Variants in ARHGAP26 observed in about 807,000 individuals in gnomAD.
ARHGAP26 encodes rho GTPase-activating protein 26.
A neutral mutation model predicts 104.8 loss-of-function variants in ARHGAP26; 38 were observed. That is an observed-to-expected ratio of 0.36 (90% CI 0.28 to 0.48). The LOEUF is 0.48. ARHGAP26 is among the 20% of genes least tolerant of loss of function. ARHGAP26 has a pLI of 0.99. For synonymous variants in ARHGAP26, 341 were observed against 340.0 expected, an observed-to-expected ratio of 1.00 and a Z score of -0.03; for missense variants, 704 against 947.9, an observed-to-expected ratio of 0.74 and a Z score of 3.38.
intron 1 of ARHGAP26, among the ~76,000 whole-genome samples, chr5:142,800,909 G>A (rs1761961669): frequency 6.6e-6 from 1 of 152,108 alleles, no homozygotes; most frequent in Admixed American, 6.5e-5. Flanking sequence ...TTCATTTTTT[G>A]TTCCAGTCTA....
At chr5:142,862,205 C>G (rs1317746131) in intron 1 of ARHGAP26, among the ~76,000 whole-genome samples, 1 of 152,102 alleles carries the variant, frequency 6.6e-6, no homozygotes, top group Non-Finnish European at 1.5e-5. Flanking sequence ...TTCTTGCTTG[C>G]CCAAATTTGT....
At chr5:142,912,024 A>G (rs1761898926) in intron 9 of ARHGAP26, among the ~76,000 whole-genome samples, 1 of 152,228 alleles carries the variant, frequency 6.6e-6, no homozygotes, top group Non-Finnish European at 1.5e-5. Flanking sequence ...TGTTATTTCA[A>G]CAAACTGGGC....
chr5:142,852,168 A>C (rs1214594980), intron 1 of ARHGAP26, among the ~76,000 whole-genome samples: 1 of 152,244 alleles, frequency 6.6e-6, no homozygotes, highest in Non-Finnish European at 1.5e-5. Context: ...TGAGGTATGC[A>C]GCCGCCGGCA....
At chr5:142,843,617 AC>A in intron 1 of ARHGAP26, among the ~76,000 whole-genome samples, 1 of 152,134 alleles carries the variant, frequency 6.6e-6, no homozygotes, top group East Asian at 1.9e-4. Flanking sequence ...TTATGGTACC[AC>A]TACACTTCCT....
At chr5:143,191,230 A>T (rs1805880159) in intron 20 of ARHGAP26, among the ~76,000 whole-genome samples, 1 of 152,266 alleles carries the variant, frequency 6.6e-6, no homozygotes, top group Non-Finnish European at 1.5e-5. Flanking sequence ...AGTACAAAGC[A>T]TTCCTTAAAT....
intron 17 of ARHGAP26, among the ~76,000 whole-genome samples, chr5:143,109,797 G>T (rs992566226): frequency 9.9e-5 from 15 of 152,142 alleles, no homozygotes; most frequent in Non-Finnish European, 7.3e-5. Flanking sequence ...TTAGGTCTTA[G>T]TTGAGACCTT....
intron 16 of ARHGAP26, 91 bp downstream of exon 16, chr5:143,056,177 C>A: frequency 1.9e-6 from 2 of 1,068,062 alleles, no homozygotes; most frequent in Non-Finnish European, 2.9e-6. Context: ...TATTACCTAA[C>A]CCTTCGTATT....
rs185190260 is a variant in ARHGAP26, at chr5:142,770,380, C to T, written c.-382C>T. ...CGCTAGCAGGTTCGAGCGGCCCAGA[C>T]ACCGGCGGGGCGGCCGAGGCTGCTG... On this transcript the variant is annotated 5_prime_UTR_variant, in exon 1 of 23. Transcript: ENST00000645722. 3.2e-3 allele frequency: 610 copies of T among 188,854 alleles called. 2 individuals carry two copies. The highest frequency in any genetic ancestry group is 0.015 in the Middle Eastern group (8 of 522). 11.7% of individuals were successfully genotyped at this position (188,854 alleles called of 1,614,324 possible).
intron 5 of ARHGAP26, among the ~76,000 whole-genome samples, chr5:142,889,277 A>T (rs188939959): frequency 1.3e-5 from 2 of 152,282 alleles, no homozygotes; most frequent in East Asian, 3.9e-4. Context: ...AGAAAAATGA[A>T]AAAATTAGAC....
chr5:143,103,197 T>C, intron 17 of ARHGAP26: 1 of 982,746 alleles, frequency 1.0e-6, no homozygotes, highest in Non-Finnish European at 1.2e-6. Context: ...AGACTAATTG[T>C]GCCTGGGACC....
intron 1 of ARHGAP26, chr5:142,868,133 A>G (rs1301520028): frequency 6.6e-6 from 1 of 152,296 alleles, no homozygotes; most frequent in African/African-American, 2.4e-5. Flanking sequence ...TCTATAGTAT[A>G]GTACTCAGAG....
chr5:143,159,590 C>T (rs1369145013), intron 20 of ARHGAP26, among the ~76,000 whole-genome samples: 1 of 152,204 alleles, frequency 6.6e-6, no homozygotes, highest in Non-Finnish European at 1.5e-5. Context: ...AAATTACCAA[C>T]ATCTAGGCCC....
At chr5:142,934,333 G>A (rs1765124681) in intron 11 of ARHGAP26, among the ~76,000 whole-genome samples, 1 of 152,174 alleles carries the variant, frequency 6.6e-6, no homozygotes, top group African/African-American at 2.4e-5. Context: ...ATGAAAACAA[G>A]TTTAAACACA....
chr5:143,028,779 C>T (rs146366824), intron 12 of ARHGAP26, among the ~76,000 whole-genome samples: 38 of 152,294 alleles, frequency 2.5e-4, no homozygotes, highest in African/African-American at 8.9e-4. Context: ...ATTCAGTTTC[C>T]ACTACCTACA....
chr5:143,152,093 T>G (rs1018493637), intron 20 of ARHGAP26, among the ~76,000 whole-genome samples: 1 of 152,144 alleles, frequency 6.6e-6, no homozygotes, highest in African/African-American at 2.4e-5. Flanking sequence ...GAGGGATGAA[T>G]ATTTGGAGCA....
At chr5:143,012,558 T>TATATATTTATATATATAC (rs1778984347) in intron 11 of ARHGAP26, among the ~76,000 whole-genome samples, 3 of 72,414 alleles carry the variant, frequency 4.1e-5, no homozygotes, top group Non-Finnish European at 7.1e-5. Context: ...CATACATATA[T>TATATATTTATATATATAC]ATATATATAT....
chr5:142,851,965 C>T (rs1751600911), intron 1 of ARHGAP26, among the ~76,000 whole-genome samples: 1 of 152,214 alleles, frequency 6.6e-6, no homozygotes, highest in South Asian at 2.1e-4. Flanking sequence ...AGTCCCTCCC[C>T]AGTCTTGGAA....
chr5:142,997,855 C>T (rs1776632558), intron 11 of ARHGAP26, among the ~76,000 whole-genome samples: 1 of 151,780 alleles, frequency 6.6e-6, no homozygotes, highest in Non-Finnish European at 1.5e-5. Flanking sequence ...TTATGATGTG[C>T]CTTGTGGCAT....
intron 6 of ARHGAP26, among the ~76,000 whole-genome samples, chr5:142,899,813 AC>A (rs1169137555): frequency 6.6e-6 from 1 of 152,210 alleles, no homozygotes; most frequent in African/African-American, 2.4e-5. Flanking sequence ...AAAAAAATGG[AC>A]AATCAAGGCA....
Sources: gnomAD v4.1 joint callset for allele counts (sites outside exome capture counted in the v4.1 genomes callset) on GRCh38, gnomAD v4.1.1 for gene constraint, MANE v1.5 for transcripts, NCBI Gene and HGNC (gene_info 2026-07-23, HGNC 2026-07-21) for gene names.